UBE2G1: variants seen among roughly 807,000 people sequenced by gnomAD.
UBE2G1 encodes the protein ubiquitin conjugating enzyme E2 G1, also known as ubiquitin-conjugating enzyme E2 G1.
A neutral mutation model predicts 22.7 loss-of-function variants in UBE2G1; 5 were observed. The ratio of observed to expected loss-of-function variants is 0.22; its 90% CI spans 0.12 to 0.46. The LOEUF is 0.46. Ranked by LOEUF, UBE2G1 falls within the 20% of genes least tolerant of loss-of-function variation. UBE2G1 has a pLI of 0.99. For synonymous variants in UBE2G1, 74 were observed against 67.5 expected, an observed-to-expected ratio of 1.10 and a Z score of -0.47; for missense variants, 88 against 203.9, an observed-to-expected ratio of 0.43 and a Z score of 3.46.
At chr17:4,351,504 T>C (rs1969844340) in intron 1 of UBE2G1, among the ~76,000 whole-genome samples, 1 of 152,152 alleles carries the variant, frequency 6.6e-6, no homozygotes, top group African/African-American at 2.4e-5. Context: ...AAAGGTGTCA[T>C]CCTAAGGGAG....
intron 1 of UBE2G1, among the ~76,000 whole-genome samples, chr17:4,363,677 GC>G (rs767329641): frequency 2.6e-5 from 4 of 152,078 alleles, no homozygotes; most frequent in Non-Finnish European, 5.9e-5. Context: ...GAGAGGCCGG[GC>G]CCGGTGGCTC....
chr17:4,362,113 A>G (rs909252069), intron 1 of UBE2G1, among the ~76,000 whole-genome samples: 1 of 152,220 alleles, frequency 6.6e-6, no homozygotes, highest in African/African-American at 2.4e-5. Flanking sequence ...AAATGTTTTA[A>G]AAGTATCTCC....
intron 1 of UBE2G1, among the ~76,000 whole-genome samples, chr17:4,347,096 T>G (rs1022077685): frequency 6.6e-6 from 1 of 152,010 alleles, no homozygotes; most frequent in Admixed American, 6.6e-5. Flanking sequence ...GAGGTTGCAG[T>G]GAGCCAAGAT....
chr17:4,296,929 CAAAT>C lies in UBE2G1; in HGVS notation c.150-119_150-116del, dbSNP rs1192582393. 4 of 855,492 alleles carry C rather than the reference CAAAT, an allele frequency of 4.7e-6. No homozygotes were observed. In the African/African-American group the frequency reaches 5.1e-5, roughly 11 times the overall value. The allele number at this position is 855,492 out of a possible 1,614,324, so 53.0% of individuals were successfully genotyped here. On this transcript the variant is annotated intron_variant, in intron 2 of 5. Coordinates refer to ENST00000396981, the MANE Select transcript of UBE2G1 (RefSeq NM_003342.5). The stretch of plus-strand genomic sequence containing the variant: ...GCACTAACATCAAAAATGAAGTAAA[CAAAT>C]AATCTGGATTCCCACAGGCAGTTAC...
chr17:4,332,271 G>GT (rs1157336678), intron 1 of UBE2G1, among the ~76,000 whole-genome samples: 1 of 151,476 alleles, frequency 6.6e-6, no homozygotes, highest in Non-Finnish European at 1.5e-5. Context: ...TTTTTCAACC[G>GT]TAAGTCACAC....
chr17:4,360,471 A>G (rs1340457837), intron 1 of UBE2G1, among the ~76,000 whole-genome samples: 1 of 152,222 alleles, frequency 6.6e-6, no homozygotes, highest in African/African-American at 2.4e-5. Flanking sequence ...ACCTGAGAAA[A>G]GGAAGTCAAA....
chr17:4,304,560 T>C (rs1030237435), intron 2 of UBE2G1, among the ~76,000 whole-genome samples: 2 of 96,968 alleles, frequency 2.1e-5, no homozygotes, highest in Non-Finnish European at 2.8e-5. Flanking sequence ...AAGTAATCCT[T>C]GAACGGTACC....
chr17:4,323,683 G>C (rs1325294550), intron 1 of UBE2G1, among the ~76,000 whole-genome samples: 15 of 152,056 alleles, frequency 9.9e-5, no homozygotes, highest in Admixed American at 9.8e-4. Context: ...TGAGTAGCTG[G>C]GTCTATAGGT....
chr17:4,279,890 C>T (rs1417113725), intron 5 of UBE2G1, among the ~76,000 whole-genome samples: 1 of 142,094 alleles, frequency 7.0e-6, no homozygotes, highest in Non-Finnish European at 1.5e-5. Context: ...GTACACAAAT[C>T]AACAAACTGA....
rs374455370 is a variant in UBE2G1 at position 4,333,974 on chromosome 17, A to T, written c.47-26851T>A. On this transcript the variant is annotated intron_variant, in intron 1 of 5. Transcript: ENST00000396981. ...TATCACTGATCACCTTCATTTCCTC[A>T]GAAGAAAACAAAGACTGGCATTCAG... Among the ~76,000 whole-genome samples the T allele has an allele frequency of 7.6e-5, 9 of 118,240 alleles. No individual in the cohort carries two copies. The South Asian group carries it at 2.1e-3, about 28-fold the overall frequency. The allele number at this position is 118,240 out of a possible 152,430, so 77.6% of individuals were successfully genotyped here.
intron 1 of UBE2G1, among the ~76,000 whole-genome samples, chr17:4,347,383 G>A (rs904449637): frequency 6.6e-6 from 1 of 150,984 alleles, no homozygotes; most frequent in Non-Finnish European, 1.5e-5. Flanking sequence ...GGTTCATCAA[G>A]CAAGTCTATC....
intron 1 of UBE2G1, among the ~76,000 whole-genome samples, chr17:4,351,923 A>G (rs1266954896): frequency 6.6e-6 from 1 of 152,172 alleles, no homozygotes; most frequent in Non-Finnish European, 1.5e-5. Context: ...TCCCCTTCCA[A>G]AAGTTACAAA....
chr17:4,350,208 C>T (rs1467124706), intron 1 of UBE2G1, among the ~76,000 whole-genome samples: 1 of 152,168 alleles, frequency 6.6e-6, no homozygotes, highest in Non-Finnish European at 1.5e-5. Context: ...CACCTGTATT[C>T]CCAGCACTTT....
intron 1 of UBE2G1, among the ~76,000 whole-genome samples, chr17:4,333,502 C>CTTGG (rs1969607335): frequency 6.6e-6 from 1 of 151,972 alleles, no homozygotes; most frequent in Non-Finnish European, 1.5e-5. Context: ...ATGGAGAAAC[C>CTTGG]CCATCTCTAC....
chr17:4,330,174 C>A (rs1969555188), intron 1 of UBE2G1, among the ~76,000 whole-genome samples: 1 of 151,984 alleles, frequency 6.6e-6, no homozygotes, highest in Non-Finnish European at 1.5e-5. Flanking sequence ...CAATTTAACA[C>A]CATCTATAGT....
chr17:4,272,920 A>T lies in UBE2G1; in HGVS notation c.*38-404T>A, dbSNP rs75476497. 5.2e-3 allele frequency among the ~76,000 whole-genome samples: 797 copies of T among 152,344 alleles called. 8 individuals carry two copies. Among genetic ancestry groups the T allele is most frequent in the African/African-American group, 0.018 (767 of 41,558 alleles). ...ATCTAGAATCCATAAGAGAAGATTTAAAAGCCAAGTGATTTGGAAATTTAC... is the reference window on the plus strand; with the variant it reads ...ATCTAGAATCCATAAGAGAAGATTTTAAAGCCAAGTGATTTGGAAATTTAC... On this transcript the variant is annotated intron_variant, in intron 5 of 5. Coordinates refer to ENST00000396981, the MANE Select transcript of UBE2G1 (RefSeq NM_003342.5).
chr17:4,320,115 T>C (rs1969421313), intron 1 of UBE2G1, among the ~76,000 whole-genome samples: 1 of 152,158 alleles, frequency 6.6e-6, no homozygotes, highest in Non-Finnish European at 1.5e-5. Context: ...ACATTGTTAT[T>C]TTCTGTATTG....
intron 2 of UBE2G1, among the ~76,000 whole-genome samples, chr17:4,300,466 C>T (rs1969164273): frequency 6.6e-6 from 1 of 151,862 alleles, no homozygotes; most frequent in African/African-American, 2.4e-5. Context: ...TGGCTTGAGC[C>T]TGGGAGGCAG....
At chr17:4,338,491 T>C in intron 1 of UBE2G1, among the ~76,000 whole-genome samples, 1 of 152,174 alleles carries the variant, frequency 6.6e-6, no homozygotes, top group East Asian at 1.9e-4. Context: ...CAACTCCAAA[T>C]ACCAGTCCCA....
Sources: allele counts gnomAD v4.1 joint callset (sites outside exome capture counted in the v4.1 genomes callset), GRCh38; gene constraint gnomAD v4.1.1; transcripts MANE v1.5; gene names NCBI Gene and HGNC (gene_info 2026-07-23, HGNC 2026-07-21).